The following PHIP variants were observed in gnomAD, a reference collection of about 807,000 sequenced individuals.
PHIP encodes PH-interacting protein.
A neutral mutation model predicts 236.8 loss-of-function variants in PHIP; 54 were observed. The observed-to-expected ratio is 0.23, with a 90% CI of 0.18 to 0.29. PHIP has a LOEUF of 0.29. PHIP is among the 10% of genes least tolerant of loss of function. The pLI is 1.00. For synonymous variants in PHIP, 756 were observed against 718.9 expected, an observed-to-expected ratio of 1.05 and a Z score of -0.83; for missense variants, 1,370 against 2,190.8, an observed-to-expected ratio of 0.63 and a Z score of 7.48.
chr6:78,991,101 A>C (rs566243425), intron 19 of PHIP, 116 bp from the exon 20 acceptor site: 18 of 648,618 alleles, frequency 2.8e-5, no homozygotes. Context: ...TTAAGATGGA[A>C]GCATGTGATA....
At chr6:79,019,182 T>C in intron 9 of PHIP, 23 bp from the exon 10 acceptor site, 2 of 1,551,278 alleles carry the variant, frequency 1.3e-6, no homozygotes, top group Non-Finnish European at 1.8e-6. Flanking sequence ...AAATAAAGAA[T>C]TAAAAATATC....
chr6:79,035,575 T>A (rs1771892305), intron 7 of PHIP, among the ~76,000 whole-genome samples: 1 of 152,208 alleles, frequency 6.6e-6, no homozygotes, highest in Non-Finnish European at 1.5e-5. Context: ...CTTGAAAACC[T>A]ACTGTTATCT....
At chr6:78,984,406 A>G (rs1283392366) in intron 22 of PHIP, among the ~76,000 whole-genome samples, 2 of 140,644 alleles carry the variant, frequency 1.4e-5, no homozygotes, top group Middle Eastern at 3.6e-3. Flanking sequence ...TCACACAGTT[A>G]TCACTCTCTG....
At chr6:79,048,390 A>G (rs1447996562) in intron 6 of PHIP, among the ~76,000 whole-genome samples, 2 of 152,144 alleles carry the variant, frequency 1.3e-5, no homozygotes, top group African/African-American at 4.8e-5. Flanking sequence ...GCTGCCATAA[A>G]AGAGTATCTG....
At chr6:79,002,203 TAGAA>T (rs1318505857) in intron 16 of PHIP, 79 bp from the exon 17 acceptor site, 1 of 934,338 alleles carries the variant, frequency 1.1e-6, no homozygotes, top group East Asian at 2.6e-5. Flanking sequence ...TCATTTCTAA[TAGAA>T]AGCAAACACC....
At chr6:78,962,444 T>C (rs768137162) in intron 30 of PHIP, among the ~76,000 whole-genome samples, 24 of 152,288 alleles carry the variant, frequency 1.6e-4, no homozygotes, top group Non-Finnish European at 2.9e-4. Flanking sequence ...CTATAAAGTG[T>C]TGGCATTTTA....
In PHIP at chr6:78,990,941, T is replaced by C. The variant is rs1769201370; in HGVS notation, c.2246A>G (p.Lys749Arg). 1 of 1,611,942 alleles carries C rather than the reference T, an allele frequency of 6.2e-7. No homozygotes were observed. Among genetic ancestry groups the C allele is most frequent in the Non-Finnish European group, 8.5e-7 (1 of 1,178,536 alleles). ...WRTAKGEEEI[K>R]TYRSEEKRKH... is the part of the protein sequence containing the mutation. ...TCTTTTCTCTTCTGACCTGTAAGTCTTTATTTCTTCTTCTCCCTTTGCAGT... is the reference window on the plus strand; with the variant it reads ...TCTTTTCTCTTCTGACCTGTAAGTCCTTATTTCTTCTTCTCCCTTTGCAGT... Residue 749 changes from lysine to arginine, a missense_variant, in exon 20 of 40, where the codon AAG becomes AGG. Lys to Arg is a conservative substitution (Grantham distance 26). Around this residue, in one of 14 missense-constraint regions of PHIP, gnomAD observed 99 missense variants for 110.0 expected, o/e 0.90. Transcript: ENST00000275034.
chr6:78,978,915 A>T (rs190925551), intron 23 of PHIP, among the ~76,000 whole-genome samples: 1 of 152,128 alleles, frequency 6.6e-6, no homozygotes, highest in South Asian at 2.1e-4. Flanking sequence ...TGGAAAAAAA[A>T]TTCCACAAAG....
At position 79,026,176 on chromosome 6, in the gene PHIP, AAT is replaced by A. The variant is rs1300862089; in HGVS notation, c.601-14_601-13del. ...CAGTCATCAGAACCCTTAAAGTAAG[AAT>A]GGATATTAATAGAATTAACCCCATA... On this transcript the variant is annotated splice_polypyrimidine_tract_variant and intron_variant, in intron 7 of 39. Coordinates refer to ENST00000275034, the MANE Select transcript of PHIP (RefSeq NM_017934.7). 1.3e-6 allele frequency: 2 copies of A among 1,550,856 alleles called. No homozygotes were observed. Among genetic ancestry groups the A allele is most frequent in the Non-Finnish European group, 8.9e-7 (1 of 1,122,716 alleles).
chr6:79,073,234 A>G (rs376934068), intron 4 of PHIP, among the ~76,000 whole-genome samples: 14 of 152,206 alleles, frequency 9.2e-5, no homozygotes, highest in Non-Finnish European at 1.9e-4. Flanking sequence ...GAATAATTCT[A>G]TATGTAAGAA....
At chr6:78,990,784 C>T in intron 20 of PHIP, 84 bp downstream of exon 20, 1 of 687,478 alleles carries the variant, frequency 1.5e-6, no homozygotes, top group East Asian at 2.7e-5. Flanking sequence ...GTTTATAATA[C>T]CATGTTAAAT....
At position 78,941,314 on chromosome 6, in the gene PHIP, G is replaced by A. The variant is rs768860436; in HGVS notation, c.4845C>T (p.Asn1615=). Residue 1615 remains asparagine, a synonymous_variant, in exon 40 of 40, where the codon AAC becomes AAT. Coordinates refer to ENST00000275034, the MANE Select transcript of PHIP (RefSeq NM_017934.7). ...CTTGAATGGTTCCTGGTACAAGAGC[G>A]TTGTTCTTACAATCTCCTAAAAGGG... ...AVIEQGDCKN[N]ALVPGTIQVN... 9 of 1,612,448 alleles carry A rather than the reference G, an allele frequency of 5.6e-6. No homozygotes were observed. Among genetic ancestry groups the A allele is most frequent in the Admixed American group, 1.7e-5 (1 of 59,830 alleles).
At chr6:79,006,048 C>T (rs1334220294) in intron 15 of PHIP, among the ~76,000 whole-genome samples, 1 of 151,926 alleles carries the variant, frequency 6.6e-6, no homozygotes, top group Non-Finnish European at 1.5e-5. Context: ...TGGTATAAGG[C>T]ATCTGTTTAA....
At chr6:78,954,016 T>A (rs566071832) in intron 35 of PHIP, among the ~76,000 whole-genome samples, 56 of 152,336 alleles carry the variant, frequency 3.7e-4, no homozygotes, top group African/African-American at 1.3e-3. Flanking sequence ...TACCATGTAT[T>A]CCATAAAGAT....
chr6:78,996,471 G>GA (rs1397457971), intron 19 of PHIP, among the ~76,000 whole-genome samples: 4 of 151,900 alleles, frequency 2.6e-5, no homozygotes, highest in Admixed American at 6.6e-5. Flanking sequence ...AATTGGTGTT[G>GA]AAAAAATGGG....
rs1020032618 is a variant in PHIP, at chr6:78,940,307, T to C, written c.*386A>G. ...TGGTCAAAAATAATTCATTTTAACATGAAATGCTCTATCACTAGGAATATT... is the reference window on the plus strand; with the variant it reads ...TGGTCAAAAATAATTCATTTTAACACGAAATGCTCTATCACTAGGAATATT... On this transcript the variant is annotated 3_prime_UTR_variant, in exon 40 of 40. Transcript: ENST00000275034. The C allele has an allele frequency of 1.1e-4, 16 of 151,852 alleles. No homozygotes were observed. Among genetic ancestry groups the C allele is most frequent in the African/African-American group, 3.9e-4 (16 of 41,408 alleles). 9.4% of individuals were successfully genotyped at this position (151,852 alleles called of 1,614,324 possible).
chr6:79,029,770 TCCAC>T (rs1184248762), intron 7 of PHIP, among the ~76,000 whole-genome samples: 1 of 152,160 alleles, frequency 6.6e-6, no homozygotes, highest in East Asian at 1.9e-4. Context: ...CCTCAAGTAA[TCCAC>T]CCACCTTGGC....
intron 30 of PHIP, among the ~76,000 whole-genome samples, 183 bp downstream of exon 30, chr6:78,962,914 A>C (rs1014177880): frequency 1.3e-5 from 2 of 152,200 alleles, no homozygotes; most frequent in African/African-American, 4.8e-5. Flanking sequence ...AACCTAATTT[A>C]TAACTGTTTT....
rs1773329767 is a variant in PHIP, at chr6:78,937,768, T to TA, written c.*2924dup. The TA allele has an allele frequency of 6.6e-6, 1 of 151,732 alleles. No individual in the cohort carries two copies. Among genetic ancestry groups the TA allele is most frequent in the African/African-American group, 2.4e-5 (1 of 41,412 alleles). 9.4% of individuals were successfully genotyped at this position (151,732 alleles called of 1,614,324 possible). ...ATAAAATTTTAAAAAGCTATGTATC[T>TA]ATTGCCCAGGGCTGTGAGTCTCTGA... On this transcript the variant is annotated 3_prime_UTR_variant, in exon 40 of 40. Coordinates refer to ENST00000275034, the MANE Select transcript of PHIP (RefSeq NM_017934.7).
Sources: allele counts gnomAD v4.1 joint callset (sites outside exome capture counted in the v4.1 genomes callset), GRCh38; gene constraint gnomAD v4.1.1; regional missense constraint gnomAD v4.1.1; transcripts MANE v1.5; gene names NCBI Gene and HGNC (gene_info 2026-07-23, HGNC 2026-07-21).